The following TOM1L2 variants were observed in gnomAD, a reference collection of about 807,000 sequenced individuals.
TOM1L2 encodes the protein target of myb1 like 2 membrane trafficking protein, also known as TOM1-like protein 2.
TOM1L2 carries 31 observed loss-of-function variants against 67.9 expected under a neutral mutation model. The observed-to-expected ratio is 0.46, with a 90% CI of 0.34 to 0.62. The LOEUF (loss-of-function observed/expected upper bound fraction) is 0.62. Among genes scored for constraint, TOM1L2 ranks in the 20% least tolerant of loss-of-function variants. The pLI, the probability that TOM1L2 is intolerant of heterozygous loss-of-function variation, is 0.01. For missense variants in TOM1L2, 606 were observed against 663.5 expected (o/e 0.91, Z 0.95); for synonymous variants, 256 against 254.0 (o/e 1.01, Z -0.07).
At chr17:17,869,861 G>A (rs115747322) in intron 7 of TOM1L2, 2,120 of 206,424 alleles carry the variant, frequency 0.01, 46 homozygotes, top group African/African-American at 0.046. Flanking sequence ...AATGTATCTC[G>A]CCATTCTTCT....
At chr17:17,969,361 C>T (rs1276984489) in intron 1 of TOM1L2, among the ~76,000 whole-genome samples, 1 of 152,144 alleles carries the variant, frequency 6.6e-6, no homozygotes, top group African/African-American at 2.4e-5. Context: ...CAGCCTACAG[C>T]TGCTGTTTTT....
intron 8 of TOM1L2, among the ~76,000 whole-genome samples, chr17:17,868,007 A>C (rs953894398): frequency 2.0e-5 from 3 of 152,186 alleles, no homozygotes; most frequent in East Asian, 3.8e-4. Flanking sequence ...TTGCCTCTGA[A>C]TTATGTGTAA....
In TOM1L2 at chr17:17,887,162, T is replaced by A. The variant is rs1598269667; in HGVS notation, c.367-2394A>T. ...AACTCTTCTCTTTGCCTAGGCAAGC[T>A]GGAGTTGGCATCTGTTATTTGCGAT... On this transcript the variant is annotated intron_variant, in intron 4 of 14. Coordinates refer to ENST00000379504, the MANE Select transcript of TOM1L2 (RefSeq NM_001082968.2). 2.0e-5 allele frequency among the ~76,000 whole-genome samples: 3 copies of A among 152,262 alleles called. No individual in the cohort carries two copies. The South Asian group carries it at 6.2e-4, about 32-fold the overall frequency.
At chr17:17,968,145 T>C (rs1241617635) in intron 1 of TOM1L2, among the ~76,000 whole-genome samples, 1 of 152,152 alleles carries the variant, frequency 6.6e-6, no homozygotes, top group Non-Finnish European at 1.5e-5. Flanking sequence ...CCAGGACACC[T>C]TTTGTGAGCA....
At chr17:17,895,920 T>C (rs1213436131) in intron 3 of TOM1L2, among the ~76,000 whole-genome samples, 2 of 152,182 alleles carry the variant, frequency 1.3e-5, no homozygotes, top group African/African-American at 4.8e-5. Context: ...GCCAGGCAGC[T>C]CCGCAGCCAG....
chr17:17,863,242 C>T (rs2036658938), intron 10 of TOM1L2: 1 of 187,142 alleles, frequency 5.3e-6, no homozygotes, highest in Non-Finnish European at 1.1e-5. Context: ...TAGGTACCCA[C>T]CATGTTCAGA....
chr17:17,928,741 CA>C (rs1478576163), intron 1 of TOM1L2, among the ~76,000 whole-genome samples: 1 of 152,102 alleles, frequency 6.6e-6, no homozygotes, highest in Non-Finnish European at 1.5e-5. Flanking sequence ...AGTAGGTATT[CA>C]ATAATGTGTG....
At chr17:17,942,644 G>A (rs1056914718) in intron 1 of TOM1L2, among the ~76,000 whole-genome samples, 1 of 152,172 alleles carries the variant, frequency 6.6e-6, no homozygotes, top group African/African-American at 2.4e-5. Flanking sequence ...CTACTTAGTA[G>A]GCTCAGAGTA....
At chr17:17,857,817 C>T in intron 12 of TOM1L2, 1 of 1,535,586 alleles carries the variant, frequency 6.5e-7, no homozygotes, top group Non-Finnish European at 8.7e-7. Context: ...GGTCAGACTC[C>T]CCACCTCTAC....
chr17:17,850,976 C>T (rs2035941890), intron 12 of TOM1L2, 24 bp from the exon 13 acceptor site: 2 of 1,612,986 alleles, frequency 1.2e-6, no homozygotes, highest in South Asian at 1.1e-5. Flanking sequence ...AAGCAGCGGG[C>T]CAGGCAGCCC....
chr17:17,858,232 T>TC lies in TOM1L2; in HGVS notation c.1278+3243_1278+3244insG, dbSNP rs199505893. The TC allele has an allele frequency of 1.7e-4, 28 of 169,062 alleles. No homozygotes were observed. In the East Asian group the frequency reaches 4.6e-3, roughly 27 times the overall value. The allele number at this position is 169,062 out of a possible 1,614,324, so 10.5% of individuals were successfully genotyped here. On this transcript the variant is annotated intron_variant, in intron 12 of 14. Transcript: ENST00000379504. Reference sequence around the variant, plus strand: ...ACTTTTTTCTTTTTCCTACATTTTTTTTTTCTCTTTTCTAGTGGCATGTGT... The same window carrying TC: ...ACTTTTTTCTTTTTCCTACATTTTTTCTTTTCTCTTTTCTAGTGGCATGTGT...
chr17:17,855,962 GAAA>G (rs5819629), intron 12 of TOM1L2, among the ~76,000 whole-genome samples: 3 of 144,782 alleles, frequency 2.1e-5, no homozygotes, highest in South Asian at 2.2e-4. Flanking sequence ...TTGTTGTAAA[GAAA>G]AAAAAAAAAA....
At chr17:17,958,860 G>A (rs920054978) in intron 1 of TOM1L2, among the ~76,000 whole-genome samples, 10 of 152,100 alleles carry the variant, frequency 6.6e-5, no homozygotes, top group South Asian at 4.1e-4. Context: ...CCTTACCTCC[G>A]GAAAGGGGAG....
At chr17:17,926,041 C>A (rs1009964047) in intron 1 of TOM1L2, among the ~76,000 whole-genome samples, 5 of 151,956 alleles carry the variant, frequency 3.3e-5, no homozygotes, top group Admixed American at 2.6e-4. Context: ...CTCAGTGGCA[C>A]GCACCTGTAG....
intron 10 of TOM1L2, among the ~76,000 whole-genome samples, chr17:17,864,652 C>T (rs2036749519): frequency 6.6e-6 from 1 of 152,092 alleles, no homozygotes; most frequent in African/African-American, 2.4e-5. Context: ...GTTGGGATTA[C>T]AGGCACACAC....
intron 1 of TOM1L2, among the ~76,000 whole-genome samples, chr17:17,914,092 GGCTGCAGACATGCCCCT>G (rs2039524404): frequency 6.6e-6 from 1 of 152,210 alleles, no homozygotes; most frequent in African/African-American, 2.4e-5. Flanking sequence ...CTGGATTTAT[GGCTGCAGACATGCCCCT>G]GCTGTGTGTG....
chr17:17,921,763 G>A (rs982481471), intron 1 of TOM1L2, among the ~76,000 whole-genome samples: 1 of 133,044 alleles, frequency 7.5e-6, no homozygotes, highest in Admixed American at 7.5e-5. Context: ...GGGTGGGGGG[G>A]TGGGATTCAC....
chr17:17,899,409 G>C (rs188839204), intron 2 of TOM1L2, among the ~76,000 whole-genome samples: 1 of 152,322 alleles, frequency 6.6e-6, no homozygotes, highest in East Asian at 1.9e-4. Flanking sequence ...AAATCTTGCA[G>C]AATTATAGAC....
chr17:17,864,820 C>A (rs1451190017), intron 10 of TOM1L2, among the ~76,000 whole-genome samples: 1 of 152,168 alleles, frequency 6.6e-6, no homozygotes, highest in Admixed American at 6.6e-5. Context: ...AGTATTAAAT[C>A]TGGCAGTCAT....
Sources: allele counts gnomAD v4.1 joint callset (sites outside exome capture counted in the v4.1 genomes callset), GRCh38; gene constraint gnomAD v4.1.1; transcripts MANE v1.5; gene names NCBI Gene and HGNC (gene_info 2026-07-23, HGNC 2026-07-21).